The following C8orf89 variants were observed in gnomAD, a reference collection of about 807,000 sequenced individuals.
C8orf89 encodes putative uncharacterized protein C8orf89.
In C8orf89, 14 loss-of-function variants were observed where a neutral mutation model predicts 15.8. The observed-to-expected ratio is 0.89, with a 90% CI of 0.59 to 1.39. The LOEUF (loss-of-function observed/expected upper bound fraction) is 1.39. Among genes scored for constraint, C8orf89 ranks in the 40% most tolerant of loss-of-function variants. The pLI is 0.00. For missense variants in C8orf89, 181 were observed against 184.5 expected (o/e 0.98, Z 0.11); for synonymous variants, 55 against 62.2 (o/e 0.88, Z 0.54).
At chr8:73,268,093 A>G in the C8orf89 span, among the ~76,000 whole-genome samples, 1 of 152,240 alleles carries the variant, frequency 6.6e-6, no homozygotes, top group South Asian at 2.1e-4. Context: ...GACCTGAGAC[A>G]AATAAACTGT....
the C8orf89 span, among the ~76,000 whole-genome samples, chr8:73,265,400 A>G: frequency 6.6e-6 from 1 of 152,224 alleles, no homozygotes; most frequent in Non-Finnish European, 1.5e-5. Context: ...AGGAAGAAAC[A>G]TCTTAGAGTT....
At chr8:73,279,687 C>G in the C8orf89 span, among the ~76,000 whole-genome samples, 1 of 152,160 alleles carries the variant, frequency 6.6e-6, no homozygotes, top group Non-Finnish European at 1.5e-5. Context: ...TCCCTGAAAC[C>G]AACTTCCTCA....
upstream of C8orf89, among the ~76,000 whole-genome samples, chr8:73,264,402 G>A (rs1813582344): frequency 6.6e-6 from 1 of 152,156 alleles, no homozygotes; most frequent in South Asian, 2.1e-4. Context: ...TGTAAGGGCA[G>A]AATCTGTGAA....
chr8:73,247,805 A>G (rs1813159772), intron 3 of C8orf89, among the ~76,000 whole-genome samples: 1 of 151,800 alleles, frequency 6.6e-6, no homozygotes, highest in South Asian at 2.1e-4. Flanking sequence ...TTTTTCTTGT[A>G]AATTGTTTAA....
chr8:73,280,111 C>T, the C8orf89 span, among the ~76,000 whole-genome samples: 2 of 152,232 alleles, frequency 1.3e-5, no homozygotes, highest in African/African-American at 4.8e-5. Context: ...GCCATAGTAA[C>T]TGAACAGTAC....
At chr8:73,285,904 C>G in the C8orf89 span, among the ~76,000 whole-genome samples, 3 of 152,208 alleles carry the variant, frequency 2.0e-5, no homozygotes, top group Non-Finnish European at 4.4e-5. Flanking sequence ...GGGCCCGGCC[C>G]GGCCGGCGTC....
At chr8:73,279,415 A>G in the C8orf89 span, among the ~76,000 whole-genome samples, 1 of 152,186 alleles carries the variant, frequency 6.6e-6, no homozygotes, top group Non-Finnish European at 1.5e-5. Context: ...CAGACCCCAG[A>G]CTTGAGCTAG....
intron 2 of C8orf89, among the ~76,000 whole-genome samples, chr8:73,254,600 GTC>G (rs1189595170): frequency 6.6e-6 from 1 of 152,116 alleles, no homozygotes; most frequent in African/African-American, 2.4e-5. Flanking sequence ...CTCATGCCTG[GTC>G]ATTTGGGTGG....
chr8:73,245,849 C>T (rs189978182), intron 3 of C8orf89, among the ~76,000 whole-genome samples: 1 of 152,226 alleles, frequency 6.6e-6, no homozygotes, highest in Non-Finnish European at 1.5e-5. Context: ...CCAAAGAAAA[C>T]AAGTAACCCA....
At chr8:73,282,766 A>G in the C8orf89 span, among the ~76,000 whole-genome samples, 1 of 152,238 alleles carries the variant, frequency 6.6e-6, no homozygotes, top group Admixed American at 6.5e-5. Flanking sequence ...AATAGTCCAG[A>G]GTATTTAGAG....
rs929010697 is a variant in C8orf89 at position 73,259,454 on chromosome 8, G to A, written c.5C>T (p.Ser2Leu). 4.6e-6 allele frequency: 7 copies of A among 1,526,696 alleles called. No homozygotes were observed. In the African/African-American group the frequency reaches 8.3e-5, roughly 18 times the overall value. 94.6% of individuals were successfully genotyped at this position (1,526,696 alleles called of 1,614,324 possible). A position where few individuals can be genotyped will look rare whatever the true frequency, so the allele number is the denominator to read the frequency against. M[S>L]VLSPEIKCET... ...ACATTTGATTTCAGGAGATAGCACT[G>A]ACATTTTTTCTTCTTTCAACAGTGC... Residue 2 changes from serine (S) to leucine (L), a missense_variant, in exon 1 of 4, where the codon TCA becomes TTA. Physicochemically the swap from Ser to Leu is moderately radical, Grantham distance 145 (BLOSUM62 -2). Transcript: ENST00000624510.
the C8orf89 span, among the ~76,000 whole-genome samples, chr8:73,268,033 T>C: frequency 6.6e-6 from 1 of 152,126 alleles, no homozygotes; most frequent in East Asian, 1.9e-4. Flanking sequence ...CAAAACAACA[T>C]ATTAAATGGC....
In C8orf89 at chr8:73,256,989, C is replaced by T. The variant is rs767681697; in HGVS notation, c.265G>A (p.Glu89Lys). The change falls in exon 2 of 4, where the codon GAG becomes AAG. Residue 89 changes from glutamate (E) to lysine (K), a missense_variant. Physicochemically the swap from Glu to Lys is moderately conservative, Grantham distance 56. Coordinates refer to ENST00000624510, the MANE Select transcript of C8orf89 (RefSeq NM_001243237.3). The part of the protein sequence containing the change: ...VPKRLPRADA[E>K]VSAVRLKKTK... ...ATGATCTACCTGACTGCAGACACCTCGGCATCAGCACGTGGCAGTCTTTTA... is the reference window on the plus strand; with the variant it reads ...ATGATCTACCTGACTGCAGACACCTTGGCATCAGCACGTGGCAGTCTTTTA... 60 of 1,534,252 alleles carry T rather than the reference C, an allele frequency of 3.9e-5. No individual in the cohort carries two copies. The highest frequency in any genetic ancestry group is 9.6e-5 in the South Asian group (8 of 83,668).
the C8orf89 span, among the ~76,000 whole-genome samples, chr8:73,279,241 G>A: frequency 2.0e-5 from 3 of 152,164 alleles, no homozygotes; most frequent in Non-Finnish European, 4.4e-5. Context: ...CATCTATAGA[G>A]AGATCGATAT....
the C8orf89 span, chr8:73,277,939 C>T: frequency 1.5e-4 from 100 of 664,664 alleles, no homozygotes; most frequent in Non-Finnish European, 2.1e-4. Flanking sequence ...TAGAGAGAAA[C>T]ATGTCTGTGT....
chr8:73,242,190 A>G (rs1307751546), intron 3 of C8orf89, among the ~76,000 whole-genome samples: 2 of 152,216 alleles, frequency 1.3e-5, no homozygotes, highest in Admixed American at 1.3e-4. Flanking sequence ...CAAAGGAAAC[A>G]ATCAACAAAA....
intron 3 of C8orf89, among the ~76,000 whole-genome samples, chr8:73,248,174 C>A (rs1035593445): frequency 6.6e-6 from 1 of 152,144 alleles, no homozygotes; most frequent in Admixed American, 6.6e-5. Flanking sequence ...CCAGTTAGCC[C>A]AGCATCATTT....
rs984273718 is a variant in C8orf89, at chr8:73,246,750, G to C, written c.337+3518C>G. Among the ~76,000 whole-genome samples the C allele has an allele frequency of 3.3e-5, 5 of 152,028 alleles. No individual in the cohort carries two copies. The East Asian group carries it at 9.6e-4, about 29-fold the overall frequency. ...TCTGTTGATTACAGAAATTGTTTTA[G>C]TATATGAAATTAAGAGAGAGAAAAC... On this transcript the variant is annotated intron_variant, in intron 3 of 3. Transcript: ENST00000624510.
In C8orf89 at chr8:73,253,759, T is replaced by A. The variant is rs552576682; in HGVS notation, c.281+3214A>T. Among the ~76,000 whole-genome samples the A allele has an allele frequency of 1.6e-3, 233 of 150,146 alleles. 13 individuals carry two copies. Among genetic ancestry groups the A allele is most frequent in the African/African-American group, 5.8e-3 (229 of 39,728 alleles). Reference sequence around the variant, plus strand: ...GTCTGTTATTGGTGTATAAGAATGCTTGTGATTTTTGTACATTGATTTTGT... The same window carrying A: ...GTCTGTTATTGGTGTATAAGAATGCATGTGATTTTTGTACATTGATTTTGT... On this transcript the variant is annotated intron_variant, in intron 2 of 3. Transcript: ENST00000624510.
Sources: allele counts gnomAD v4.1 joint callset (sites outside exome capture counted in the v4.1 genomes callset), GRCh38; gene constraint gnomAD v4.1.1; transcripts MANE v1.5; gene names NCBI Gene and HGNC (gene_info 2026-07-23, HGNC 2026-07-21).